The following RASGRF1 variants were observed in gnomAD, a reference collection of about 807,000 sequenced individuals.
The protein encoded by RASGRF1 is ras-specific guanine nucleotide-releasing factor 1.
A neutral mutation model predicts 138.7 loss-of-function variants in RASGRF1; 40 were observed. The observed-to-expected ratio is 0.29, with a 90% CI of 0.22 to 0.38. RASGRF1 has a LOEUF of 0.38. RASGRF1 is among the 10% of genes least tolerant of loss of function. The pLI, the probability that RASGRF1 is intolerant of heterozygous loss-of-function variation, is 1.00. For missense variants in RASGRF1, 1,108 were observed against 1,650.4 expected, an observed-to-expected ratio of 0.67 and a Z score of 5.69; for synonymous variants, 614 against 663.2, an observed-to-expected ratio of 0.93 and a Z score of 1.14.
At chr15:79,052,854 G>A (rs143395473) in intron 3 of RASGRF1, among the ~76,000 whole-genome samples, 30 of 152,320 alleles carry the variant, frequency 2.0e-4, no homozygotes, top group African/African-American at 6.7e-4. Context: ...ACAGCAGGGA[G>A]GGTGGCCATG....
chr15:79,055,100 C>T (rs1274275195), intron 3 of RASGRF1, among the ~76,000 whole-genome samples: 1 of 152,190 alleles, frequency 6.6e-6, no homozygotes, highest in Non-Finnish European at 1.5e-5. Context: ...GGATTTCAGC[C>T]AGGAGATCCA....
chr15:79,090,193 A>G (rs1193408934), intron 1 of RASGRF1, 30 bp downstream of exon 1: 2 of 1,565,714 alleles, frequency 1.3e-6, no homozygotes, highest in Admixed American at 3.5e-5. Context: ...GCCGGGACGC[A>G]GGGAGGTCAG....
chr15:78,991,408 C>T (rs149848596), intron 21 of RASGRF1, among the ~76,000 whole-genome samples: 1 of 152,312 alleles, frequency 6.6e-6, no homozygotes, highest in African/African-American at 2.4e-5. Context: ...CATGTGCACA[C>T]ACACATGAAC....
intron 10 of RASGRF1, 83 bp downstream of exon 10, chr15:79,025,231 T>C: frequency 6.3e-6 from 9 of 1,439,546 alleles, no homozygotes; most frequent in Non-Finnish European, 8.4e-6. Context: ...GCCCACCACC[T>C]GGGCCCATAG....
chr15:79,070,193 T>G (rs2057736371), intron 1 of RASGRF1, among the ~76,000 whole-genome samples: 1 of 152,194 alleles, frequency 6.6e-6, no homozygotes, highest in South Asian at 2.1e-4. Context: ...TGTGTCCCGT[T>G]GATCTTCTGG....
rs571549088 is a variant in RASGRF1 at position 79,011,249 on chromosome 15, C to T, written c.1826+4078G>A. ...CTTGCCCACCGCCAGCCCCATCTTT[C>T]ACTATGTCATGTGGATCGCTGTATT... On this transcript the variant is annotated intron_variant, in intron 13 of 26. Coordinates refer to ENST00000558480, the MANE Select transcript of RASGRF1 (RefSeq NM_001145648.3). 2.0e-5 allele frequency among the ~76,000 whole-genome samples: 3 copies of T among 152,220 alleles called. No homozygotes were observed. In the South Asian group the frequency reaches 6.2e-4, roughly 32 times the overall value.
rs78263357 is a variant in RASGRF1, at chr15:78,982,876, C to T, written c.3414+2131G>A. Among the ~76,000 whole-genome samples, 1,100 of 152,000 alleles carry T rather than the reference C, an allele frequency of 7.2e-3. 18 individuals carry two copies. The highest frequency in any genetic ancestry group is 0.024 in the African/African-American group (1,000 of 41,470). On this transcript the variant is annotated intron_variant, in intron 23 of 26. Coordinates refer to ENST00000558480, the MANE Select transcript of RASGRF1 (RefSeq NM_001145648.3). Reference sequence around the variant, plus strand: ...GTATGGAAGAGTATCATCATCAGATCGTCTCTTGGGTTTTTTTTTTCCCCA... The same window carrying T: ...GTATGGAAGAGTATCATCATCAGATTGTCTCTTGGGTTTTTTTTTTCCCCA...
At chr15:79,049,257 T>C (rs979318427) in intron 4 of RASGRF1, among the ~76,000 whole-genome samples, 2 of 152,110 alleles carry the variant, frequency 1.3e-5, no homozygotes, top group Admixed American at 6.5e-5. Flanking sequence ...TTGTGGAACC[T>C]GTTTTCTTAT....
intron 10 of RASGRF1, among the ~76,000 whole-genome samples, chr15:79,021,549 T>A (rs1268980516): frequency 6.6e-6 from 1 of 152,244 alleles, no homozygotes; most frequent in Non-Finnish European, 1.5e-5. Context: ...TCATTTTAAA[T>A]CTTGCAGATC....
chr15:79,010,814 G>A (rs2056780388), intron 13 of RASGRF1, among the ~76,000 whole-genome samples: 1 of 152,208 alleles, frequency 6.6e-6, no homozygotes, highest in African/African-American at 2.4e-5. Flanking sequence ...GGTGGAAGGA[G>A]ACTTTTCAGT....
rs1391896233 is a variant in RASGRF1 at position 79,003,865 on chromosome 15, T to C, written c.2386A>G (p.Ile796Val). The C allele has an allele frequency of 2.5e-6, 4 of 1,613,704 alleles. No individual in the cohort carries two copies. In the African/African-American group the frequency reaches 5.3e-5, roughly 22 times the overall value. The change falls in exon 15 of 27, where the codon ATT becomes GTT. Residue 796 changes from isoleucine (I) to valine (V), a missense_variant. Around this residue, in one of 3 missense-constraint regions of RASGRF1, gnomAD observed 686 missense variants for 976.7 expected, o/e 0.70. Coordinates refer to ENST00000558480, the MANE Select transcript of RASGRF1 (RefSeq NM_001145648.3). ...GGGGTCGTATCGCCCTCATCTGGAATCTTGTTGGTGAAGCTGCTGGACACA... is the reference window on the plus strand; with the variant it reads ...GGGGTCGTATCGCCCTCATCTGGAACCTTGTTGGTGAAGCTGCTGGACACA... Reference protein sequence around the residue: ...LYVSSSFTNKIPDEGDTTPEK... With the variant: ...LYVSSSFTNKVPDEGDTTPEK...
intron 24 of RASGRF1, among the ~76,000 whole-genome samples, chr15:78,976,559 A>AACACACAC (rs58602180): frequency 0.043 from 6,417 of 148,674 alleles, 433 homozygotes; most frequent in African/African-American, 0.15. Flanking sequence ...CACTCAATCA[A>AACACACAC]ACACACACAC....
chr15:79,034,337 A>G (rs550980467), intron 6 of RASGRF1, among the ~76,000 whole-genome samples: 18 of 151,922 alleles, frequency 1.2e-4, no homozygotes, highest in African/African-American at 4.3e-4. Flanking sequence ...GAGATGCAGG[A>G]GGTTCTTCTG....
intron 23 of RASGRF1, 142 bp downstream of exon 23, chr15:78,984,865 C>A (rs1057161952): frequency 3.5e-6 from 3 of 863,804 alleles, no homozygotes; most frequent in African/African-American, 3.3e-5. Context: ...ATAGGGGAAG[C>A]TATTCTGTTT....
chr15:79,001,187 T>C (rs1209696237), intron 16 of RASGRF1, among the ~76,000 whole-genome samples: 1 of 152,168 alleles, frequency 6.6e-6, no homozygotes, highest in East Asian at 1.9e-4. Context: ...TGCAAAGCTG[T>C]CAAGATGATG....
chr15:79,024,633 A>G (rs1356392645), intron 10 of RASGRF1, among the ~76,000 whole-genome samples: 1 of 152,138 alleles, frequency 6.6e-6, no homozygotes, highest in East Asian at 1.9e-4. Flanking sequence ...GTAACACAAG[A>G]TCTGATAGTT....
At chr15:79,071,558 C>T (rs901094973) in intron 1 of RASGRF1, among the ~76,000 whole-genome samples, 5 of 149,780 alleles carry the variant, frequency 3.3e-5, no homozygotes, top group East Asian at 2.0e-4. Context: ...TTAGTAGAGA[C>T]GGGGTTTTGC....
intron 19 of RASGRF1, among the ~76,000 whole-genome samples, chr15:78,996,267 C>A (rs543501112): frequency 6.6e-6 from 1 of 152,286 alleles, no homozygotes; most frequent in African/African-American, 2.4e-5. Context: ...ATTGGGAGAG[C>A]AGAGGAGAGT....
At chr15:79,045,966 C>G (rs1433441083) in intron 5 of RASGRF1, among the ~76,000 whole-genome samples, 1 of 152,232 alleles carries the variant, frequency 6.6e-6, no homozygotes, top group East Asian at 1.9e-4. Context: ...TTGTAAATAG[C>G]ATGCTGTTTT....
Sources: allele counts gnomAD v4.1 joint callset (sites outside exome capture counted in the v4.1 genomes callset), GRCh38; gene constraint gnomAD v4.1.1; regional missense constraint gnomAD v4.1.1; transcripts MANE v1.5; gene names NCBI Gene and HGNC (gene_info 2026-07-23, HGNC 2026-07-21).